ZMAT1: variants seen among roughly 807,000 people sequenced by gnomAD.
The protein encoded by ZMAT1 is zinc finger matrin-type 1.
A neutral mutation model predicts 18.5 loss-of-function variants in ZMAT1; 11 were observed. That is an observed-to-expected ratio of 0.59 (90% CI 0.37 to 0.98). The LOEUF (loss-of-function observed/expected upper bound fraction) is 0.98. ZMAT1 is among the 50% of genes least tolerant of loss of function. The probability of loss-of-function intolerance (pLI) is 0.01; values close to 1 mark genes in which losing one functional copy is unlikely to be tolerated. For synonymous variants in ZMAT1, 211 were observed against 176.4 expected (o/e 1.20, Z -1.55); for missense variants, 525 against 496.2 (o/e 1.06, Z -0.55).
chrX:101,896,935 T>G (rs1927851321), intron 4 of ZMAT1, among the ~76,000 whole-genome samples: 1 of 110,294 alleles, frequency 9.1e-6, no homozygotes, highest in African/African-American at 3.3e-5. Context: ...AGTAACTAAC[T>G]GATGATGCTG....
chrX:101,895,573 T>A, intron 4 of ZMAT1, among the ~76,000 whole-genome samples: 1 of 111,641 alleles, frequency 9.0e-6, no homozygotes, highest in East Asian at 2.8e-4. Context: ...GAAAAAGTTT[T>A]GGGATAATTT....
Position 101,884,081 on chromosome X carries a change from A to G in ZMAT1, c.1517T>C (p.Phe506Ser). 2 of 1,209,320 alleles carry G rather than the reference A, an allele frequency of 1.7e-6. No homozygotes were observed. The highest frequency in any genetic ancestry group is 1.8e-5 in the South Asian group (1 of 56,962). ...ACTATATGGTCCTGAATAGGTCTGG[A>G]AAGTCTCACATGGGAGCTTTTGCTC... is the stretch of plus-strand genomic sequence containing the variant. ...MLEQKLPCET[F>S]QTYSGPYSIS... Residue 506 changes from phenylalanine (F) to serine (S), a missense_variant, in exon 6 of 6, where the codon TTC becomes TCC. Transcript: ENST00000651725.
At chrX:101,905,606 T>A (rs1247333044) in intron 1 of ZMAT1, among the ~76,000 whole-genome samples, 1 of 111,945 alleles carries the variant, frequency 8.9e-6, no homozygotes. Context: ...TATGCACATA[T>A]ATGCACAGAA....
chrX:101,887,753 A>G (rs1044694843), intron 4 of ZMAT1: 1 of 111,458 alleles, frequency 9.0e-6, no homozygotes, highest in Non-Finnish European at 1.9e-5. Context: ...CGGGCCCAGG[A>G]AAACTCAGCA....
rs2071698 is a variant in ZMAT1 at position 101,886,888 on chromosome X, C to T, written c.677-157G>A. On this transcript the variant is annotated intron_variant, in intron 4 of 5. Transcript: ENST00000651725. ...AGGTCAAATGACTTGGTCAAAGTCA[C>T]AGAGCAAGTTAGTAGTAGTGTTAGC... The T allele has an allele frequency of 9.5e-4, 411 of 431,012 alleles. 4 individuals carry two copies. In the East Asian group the frequency reaches 0.015, roughly 15 times the overall value. The allele number at this position is 431,012 out of a possible 1,213,427, so 35.5% of individuals were successfully genotyped here.
rs1926756161 is a variant in ZMAT1, at chrX:101,884,452, A to G, written c.1146T>C (p.Cys382=). Residue 382 remains cysteine (C), a synonymous_variant, in exon 6 of 6, where the codon TGT becomes TGC. Transcript: ENST00000651725. ...CAGAGTTCTCTCTCATCTTTCTGAA[A>G]CAAGTCTTTGGATCTAGTCCTCTGG... The part of the protein sequence containing the change: ...QKARGLDPKT[C]FRKMRENSVD... 1 of 1,211,029 alleles carries G rather than the reference A, an allele frequency of 8.3e-7. No homozygotes were observed. Among genetic ancestry groups the G allele is most frequent in the African/African-American group, 1.7e-5 (1 of 57,675 alleles).
At chrX:101,905,450 C>A (rs1453993090) in intron 1 of ZMAT1, among the ~76,000 whole-genome samples, 1 of 112,064 alleles carries the variant, frequency 8.9e-6, no homozygotes, top group Non-Finnish European at 1.9e-5. Flanking sequence ...TCACAAACAT[C>A]AAAATTCTCA....
intron 4 of ZMAT1, among the ~76,000 whole-genome samples, chrX:101,895,486 C>T (rs1805288115): frequency 9.0e-6 from 1 of 111,105 alleles, no homozygotes; most frequent in Non-Finnish European, 1.9e-5. Context: ...TCCATGAATA[C>T]TATCAACCTC....
intron 1 of ZMAT1, among the ~76,000 whole-genome samples, chrX:101,908,796 C>T (rs1569437151): frequency 9.0e-6 from 1 of 111,602 alleles, no homozygotes. Flanking sequence ...AAAGTGCTCT[C>T]AGTCTCTAAG....
At chrX:101,886,325 C>G (rs1389979792) in intron 5 of ZMAT1, among the ~76,000 whole-genome samples, 1 of 111,457 alleles carries the variant, frequency 9.0e-6, no homozygotes, top group African/African-American at 3.3e-5. Context: ...AGCAAACCTT[C>G]CAGAAATTCT....
At chrX:101,892,166 C>A (rs1220173804) in intron 4 of ZMAT1, among the ~76,000 whole-genome samples, 3 of 111,020 alleles carry the variant, frequency 2.7e-5, no homozygotes, top group African/African-American at 9.8e-5. Context: ...TTAAGTAGGA[C>A]TAAAGGTCCA....
chrX:101,892,669 C>T (rs1206610316), intron 4 of ZMAT1: 2 of 702,217 alleles, frequency 2.8e-6, no homozygotes, highest in Non-Finnish European at 3.4e-6. Context: ...GTAAGATAAA[C>T]AAAACAAATA....
intron 1 of ZMAT1, among the ~76,000 whole-genome samples, chrX:101,930,782 C>G (rs1417626581): frequency 8.9e-6 from 1 of 112,130 alleles, no homozygotes; most frequent in African/African-American, 3.2e-5. Context: ...GAACATTTCC[C>G]AAACTGCTTT....
chrX:101,908,833 A>C (rs1047961758), intron 1 of ZMAT1, among the ~76,000 whole-genome samples: 2 of 111,389 alleles, frequency 1.8e-5, no homozygotes, highest in Admixed American at 1.9e-4. Flanking sequence ...TCTAGGCAAT[A>C]GGTACCGCAA....
Position 101,883,540 on chromosome X carries a change from C to A in ZMAT1, c.2058G>T (p.Met686Ile). Residue 686 changes from methionine (M) to isoleucine (I), a missense_variant, in exon 6 of 6, where the codon ATG becomes ATT. Coordinates refer to ENST00000651725, the MANE Select transcript of ZMAT1 (RefSeq NM_001394560.1). Reference protein sequence around the residue: ...KSVEERTEEEMLWDESILGF With the variant: ...KSVEERTEEEILWDESILGF ...ATCCAAGAATAGACTCATCCCAAAG[C>A]ATTTCCTCTTCTGTCCTTTCTTCAA... 8.4e-7 allele frequency: 1 copy of A among 1,194,236 alleles called. No individual in the cohort carries two copies. Among genetic ancestry groups the A allele is most frequent in the Non-Finnish European group, 1.1e-6 (1 of 889,884 alleles).
At chrX:101,906,674 C>T (rs1336242528) in intron 1 of ZMAT1, among the ~76,000 whole-genome samples, 1 of 111,750 alleles carries the variant, frequency 8.9e-6, no homozygotes, top group Non-Finnish European at 1.9e-5. Context: ...AGGTCCCAGG[C>T]TGGCCCTGTG....
intron 1 of ZMAT1, chrX:101,931,407 G>A: frequency 1.3e-6 from 1 of 742,280 alleles, no homozygotes; most frequent in Non-Finnish European, 1.6e-6. Context: ...AGGTGTCCTG[G>A]CTGGGAGAGA....
chrX:101,930,545 C>G (rs1930414229), intron 1 of ZMAT1, among the ~76,000 whole-genome samples: 1 of 112,092 alleles, frequency 8.9e-6, no homozygotes, highest in African/African-American at 3.2e-5. Context: ...AGGGATATAT[C>G]ATTTAAGAAT....
intron 4 of ZMAT1, chrX:101,888,025 G>A (rs1339831470): frequency 9.0e-6 from 1 of 111,387 alleles, no homozygotes; most frequent in East Asian, 2.8e-4. Flanking sequence ...AAAATCAACT[G>A]GGGTGTCAGT....
Sources: gnomAD v4.1 joint callset for allele counts (sites outside exome capture counted in the v4.1 genomes callset) on GRCh38, gnomAD v4.1.1 for gene constraint, MANE v1.5 for transcripts, NCBI Gene and HGNC (gene_info 2026-07-23, HGNC 2026-07-21) for gene names.